The following PIP4K2A variants were observed in gnomAD, a reference collection of about 807,000 sequenced individuals.
PIP4K2A encodes phosphatidylinositol 5-phosphate 4-kinase type-2 alpha.
Under a neutral mutation model 42.9 loss-of-function variants are expected in PIP4K2A, and 14 were observed. The observed-to-expected ratio is 0.33, with a 90% CI of 0.22 to 0.51. The LOEUF (loss-of-function observed/expected upper bound fraction) is 0.51. Ranked by LOEUF, PIP4K2A falls within the 20% of genes least tolerant of loss-of-function variation. The pLI is 0.97. For synonymous variants in PIP4K2A, 192 were observed against 192.2 expected (o/e 1.00, Z 0.01); for missense variants, 434 against 519.8 (o/e 0.83, Z 1.61).
At chr10:22,627,818 T>C (rs1332424167) in intron 1 of PIP4K2A, among the ~76,000 whole-genome samples, 1 of 152,064 alleles carries the variant, frequency 6.6e-6, no homozygotes, top group Admixed American at 6.6e-5. Context: ...GTAAAGACAG[T>C]CTAGGGAGAA....
At chr10:22,538,971 CATTAGTTCTACA>C (rs1042097389) in intron 9 of PIP4K2A, among the ~76,000 whole-genome samples, 2 of 152,126 alleles carry the variant, frequency 1.3e-5, no homozygotes, top group Admixed American at 1.3e-4. Flanking sequence ...GGTGAATCTT[CATTAGTTCTACA>C]CAGTCTGTGG....
chr10:22,638,197 G>C (rs1838707841), intron 1 of PIP4K2A, among the ~76,000 whole-genome samples: 1 of 152,112 alleles, frequency 6.6e-6, no homozygotes, highest in Non-Finnish European at 1.5e-5. Flanking sequence ...AAGAATGAAT[G>C]AATAAAATTT....
At chr10:22,540,169 A>T in intron 8 of PIP4K2A, 95 bp from the exon 9 acceptor site, 1 of 768,240 alleles carries the variant, frequency 1.3e-6, no homozygotes, top group Non-Finnish European at 2.3e-6. Flanking sequence ...GTGAGCCTGG[A>T]GGGAGGGGAT....
At chr10:22,659,952 C>T (rs1002055900) in intron 1 of PIP4K2A, among the ~76,000 whole-genome samples, 6 of 152,150 alleles carry the variant, frequency 3.9e-5, no homozygotes, top group Admixed American at 2.0e-4. Context: ...TTAGCTTAAA[C>T]GTCATTTATC....
intron 1 of PIP4K2A, among the ~76,000 whole-genome samples, chr10:22,638,417 TCTC>T (rs1588678647): frequency 6.6e-6 from 1 of 152,146 alleles, no homozygotes. Flanking sequence ...CAATAACTGT[TCTC>T]CTCTCCTCTT....
At chr10:22,697,318 C>T (rs199523625) in intron 1 of PIP4K2A, among the ~76,000 whole-genome samples, 3 of 152,304 alleles carry the variant, frequency 2.0e-5, no homozygotes, top group East Asian at 3.9e-4. Flanking sequence ...CACAAGTGAC[C>T]GGCATTATTT....
At chr10:22,562,995 A>G (rs543148005) in intron 6 of PIP4K2A, among the ~76,000 whole-genome samples, 4 of 152,258 alleles carry the variant, frequency 2.6e-5, no homozygotes, top group South Asian at 4.1e-4. Context: ...AGTGAGGAGG[A>G]GAAAAGGAAA....
At chr10:22,601,518 GGA>G (rs1048648841) in intron 3 of PIP4K2A, among the ~76,000 whole-genome samples, 11 of 152,320 alleles carry the variant, frequency 7.2e-5, no homozygotes, top group African/African-American at 2.4e-4. Context: ...TGAGCAGGGT[GGA>G]GTTTCCTTCC....
At chr10:22,591,978 A>G (rs1837523464) in intron 3 of PIP4K2A, among the ~76,000 whole-genome samples, 197 bp from the exon 4 acceptor site, 1 of 152,252 alleles carries the variant, frequency 6.6e-6, no homozygotes, top group Non-Finnish European at 1.5e-5. Context: ...TGAAATGAAA[A>G]CAGCTTGAAT....
intron 6 of PIP4K2A, among the ~76,000 whole-genome samples, chr10:22,556,251 G>A (rs1447277847): frequency 6.6e-6 from 1 of 152,040 alleles, no homozygotes; most frequent in Admixed American, 6.5e-5. Flanking sequence ...CATGGCCCGA[G>A]GCGCCAACCT....
At chr10:22,606,661 A>G (rs980698209) in intron 3 of PIP4K2A, among the ~76,000 whole-genome samples, 1 of 152,210 alleles carries the variant, frequency 6.6e-6, no homozygotes, top group African/African-American at 2.4e-5. Flanking sequence ...GAGGGACCCT[A>G]TTCTTCAGAG....
chr10:22,558,746 T>C (rs969424766), intron 6 of PIP4K2A, among the ~76,000 whole-genome samples: 2 of 152,158 alleles, frequency 1.3e-5, no homozygotes, highest in Non-Finnish European at 2.9e-5. Context: ...ATCTTATAAT[T>C]TTTATTTTGA....
chr10:22,610,601 T>C (rs371333727), intron 1 of PIP4K2A, among the ~76,000 whole-genome samples: 8 of 152,088 alleles, frequency 5.3e-5, no homozygotes, highest in African/African-American at 1.2e-4. Flanking sequence ...TTTAATCACA[T>C]TGCTGGGTTC....
At chr10:22,688,401 G>T (rs2130894136) in intron 1 of PIP4K2A, among the ~76,000 whole-genome samples, 2 of 152,292 alleles carry the variant, frequency 1.3e-5, no homozygotes, top group Middle Eastern at 6.8e-3. Context: ...GTGGTTCTTT[G>T]ATAGTAGTGA....
At chr10:22,633,310 A>G (rs533776259) in intron 1 of PIP4K2A, among the ~76,000 whole-genome samples, 12 of 152,364 alleles carry the variant, frequency 7.9e-5, no homozygotes, top group Non-Finnish European at 1.3e-4. Flanking sequence ...AACTACTTAA[A>G]GTAGCCGGAG....
chr10:22,626,805 T>A (rs1250929288), intron 1 of PIP4K2A, among the ~76,000 whole-genome samples: 3 of 152,206 alleles, frequency 2.0e-5, no homozygotes, highest in Middle Eastern at 3.2e-3. Context: ...CACAAAAAAA[T>A]ACTTTAGCTT....
intron 3 of PIP4K2A, among the ~76,000 whole-genome samples, chr10:22,601,027 A>C (rs1163676177): frequency 6.6e-6 from 1 of 151,454 alleles, no homozygotes; most frequent in Non-Finnish European, 1.5e-5. Flanking sequence ...AGAGTTGCAG[A>C]AACTTCACAG....
chr10:22,658,662 T>C (rs1188018458), intron 1 of PIP4K2A, among the ~76,000 whole-genome samples: 1 of 152,204 alleles, frequency 6.6e-6, no homozygotes, highest in Non-Finnish European at 1.5e-5. Flanking sequence ...AGTGGGATCA[T>C]ATGGTTGCTG....
At chr10:22,553,095 C>G (rs1836452169) in intron 6 of PIP4K2A, among the ~76,000 whole-genome samples, 1 of 152,168 alleles carries the variant, frequency 6.6e-6, no homozygotes. Context: ...TACTCTATGA[C>G]TAAGCTGACT....
Sources: allele counts gnomAD v4.1 joint callset (sites outside exome capture counted in the v4.1 genomes callset), GRCh38; gene constraint gnomAD v4.1.1; transcripts MANE v1.5; gene names NCBI Gene and HGNC (gene_info 2026-07-23, HGNC 2026-07-21).